The following PCDHA13 variants were observed in gnomAD, a reference collection of about 807,000 sequenced individuals.
PCDHA13 encodes the protein protocadherin alpha 13.
PCDHA13 carries 54 observed loss-of-function variants against 64.8 expected under a neutral mutation model. The ratio of observed to expected loss-of-function variants is 0.83; its 90% CI spans 0.67 to 1.04. The LOEUF (loss-of-function observed/expected upper bound fraction) is 1.04, where lower values mean the gene tolerates loss of function less well. Ranked by LOEUF, PCDHA13 falls within the 50% of genes least tolerant of loss-of-function variation. The pLI, the probability that PCDHA13 is intolerant of heterozygous loss-of-function variation, is 0.00. For missense variants in PCDHA13, 1,248 were observed against 1,254.3 expected, an observed-to-expected ratio of 0.99 and a Z score of 0.08; for synonymous variants, 587 against 564.4, an observed-to-expected ratio of 1.04 and a Z score of -0.57.
intron 1 of PCDHA13, among the ~76,000 whole-genome samples, chr5:140,903,921 G>C (rs1282440912): frequency 6.6e-6 from 1 of 152,198 alleles, no homozygotes; most frequent in African/African-American, 2.4e-5. Flanking sequence ...CTTCCTTGCT[G>C]CATTGGATAA....
chr5:140,928,785 G>A, intron 1 of PCDHA13: 1 of 1,614,144 alleles, frequency 6.2e-7, no homozygotes, highest in Middle Eastern at 1.6e-4. Context: ...ATGCAGTTAA[G>A]CAGAGGGTGG....
chr5:140,948,542 C>A (rs141026678), intron 1 of PCDHA13, among the ~76,000 whole-genome samples: 66 of 151,648 alleles, frequency 4.4e-4, no homozygotes, highest in African/African-American at 1.5e-3. Flanking sequence ...ATTTCATGCT[C>A]TGTCAATTTT....
At chr5:140,972,917 C>T (rs1279060017) in intron 1 of PCDHA13, among the ~76,000 whole-genome samples, 1 of 152,074 alleles carries the variant, frequency 6.6e-6, no homozygotes, top group Non-Finnish European at 1.5e-5. Context: ...CCGCCTTGGC[C>T]TCCCAAAGTG....
At chr5:140,966,246 G>T (rs184430396) in intron 1 of PCDHA13, 5 of 319,412 alleles carry the variant, frequency 1.6e-5, no homozygotes, top group African/African-American at 6.4e-5. Flanking sequence ...TTAAGCAGGG[G>T]AGAGACGGTG....
chr5:140,978,545 T>C (rs1478928718), intron 1 of PCDHA13, among the ~76,000 whole-genome samples: 2 of 152,258 alleles, frequency 1.3e-5, no homozygotes, highest in Non-Finnish European at 2.9e-5. Context: ...TGTGTAGCCA[T>C]GTGCCCTGTT....
At position 141,001,385 on chromosome 5, in the gene PCDHA13, T is replaced by A. The variant is rs540420313; in HGVS notation, c.2543-8242T>A. 3.9e-5 allele frequency among the ~76,000 whole-genome samples: 6 copies of A among 152,316 alleles called. No homozygotes were observed. The East Asian group carries it at 1.2e-3, about 29-fold the overall frequency. ...ACTATTCTGATTACAGAGCCTAAGA[T>A]CCTACAGAGAACAGGGAGTATATTT... On this transcript the variant is annotated intron_variant, in intron 3 of 3. Transcript: ENST00000289272.
At chr5:140,941,210 T>TCTTC (rs1480454721) in intron 1 of PCDHA13, among the ~76,000 whole-genome samples, 3 of 100,630 alleles carry the variant, frequency 3.0e-5, no homozygotes, top group Non-Finnish European at 5.7e-5. Context: ...TTCCTTTCTT[T>TCTTC]CTTCCTTTCT....
At position 140,925,553 on chromosome 5, in the gene PCDHA13, A is replaced by G. The variant is rs183194732; in HGVS notation, c.2394+40891A>G. 8.0e-3 allele frequency among the ~76,000 whole-genome samples: 1,211 copies of G among 152,074 alleles called. 7 individuals carry two copies. The highest frequency in any genetic ancestry group is 0.019 in the African/African-American group (785 of 41,482). On this transcript the variant is annotated intron_variant, in intron 1 of 3. Transcript: ENST00000289272. The stretch of plus-strand genomic sequence containing the variant: ...AGGAGAAATACCTAATGTAAATGAC[A>G]AGTTAATGGGTGCAGCACACCAACA...
intron 3 of PCDHA13, among the ~76,000 whole-genome samples, chr5:140,990,875 G>A: frequency 6.6e-6 from 1 of 152,198 alleles, no homozygotes; most frequent in East Asian, 1.9e-4. Flanking sequence ...TTAAGTGTAT[G>A]TTCCAGTGAG....
At chr5:140,946,092 G>T (rs985293430) in intron 1 of PCDHA13, among the ~76,000 whole-genome samples, 1 of 151,914 alleles carries the variant, frequency 6.6e-6, no homozygotes, top group Non-Finnish European at 1.5e-5. Context: ...CTGATAAGGA[G>T]TTAACATACC....
intron 1 of PCDHA13, among the ~76,000 whole-genome samples, chr5:140,914,169 G>A (rs997751296): frequency 1.1e-4 from 17 of 152,140 alleles, no homozygotes; most frequent in Admixed American, 6.5e-5. Context: ...GGAAAGTGGG[G>A]TGTTGAATTC....
intron 1 of PCDHA13, among the ~76,000 whole-genome samples, chr5:140,961,654 T>G (rs1554225528): frequency 6.6e-6 from 1 of 152,194 alleles, no homozygotes; most frequent in East Asian, 1.9e-4. Context: ...TGTGGTTAGT[T>G]TGAAGTTACC....
chr5:140,913,125 C>G (rs1164527264), intron 1 of PCDHA13, among the ~76,000 whole-genome samples: 1 of 152,132 alleles, frequency 6.6e-6, no homozygotes, highest in Non-Finnish European at 1.5e-5. Context: ...AAGTTAACCC[C>G]TCCTCTACTT....
rs781852534 is a variant in PCDHA13, at chr5:140,982,552, G to T, written c.2531G>T (p.Ser844Ile). 1 of 1,614,168 alleles carries T rather than the reference G, an allele frequency of 6.2e-7. No individual in the cohort carries two copies. The highest frequency in any genetic ancestry group is 2.2e-5 in the East Asian group (1 of 44,892). ...GATCAGCAGTGGCCAACAGTATCCAGTGCAACACCAGGTAAAGAGCTGGGG... is the reference window on the plus strand; with the variant it reads ...GATCAGCAGTGGCCAACAGTATCCATTGCAACACCAGGTAAAGAGCTGGGG... The part of the protein sequence containing the change: ...GPDQQWPTVS[S>I]ATPEPEAGEV... Residue 844 changes from serine (S) to isoleucine (I), a missense_variant, in exon 3 of 4, where the codon AGT (serine) becomes ATT (isoleucine). Physicochemically the swap from Ser to Ile is moderately radical, Grantham distance 142. Coordinates refer to ENST00000289272, the MANE Select transcript of PCDHA13 (RefSeq NM_018904.3).
intron 1 of PCDHA13, among the ~76,000 whole-genome samples, chr5:140,957,961 G>C (rs1188264296): frequency 6.6e-6 from 1 of 152,048 alleles, no homozygotes; most frequent in Non-Finnish European, 1.5e-5. Flanking sequence ...TATTAATTCA[G>C]AGATGCTGTA....
intron 1 of PCDHA13, among the ~76,000 whole-genome samples, chr5:140,894,231 G>A (rs1265861426): frequency 1.3e-5 from 2 of 151,980 alleles, no homozygotes; most frequent in South Asian, 2.1e-4. Flanking sequence ...GATGTTGAAT[G>A]ACAATGTAAT....
chr5:140,955,696 A>G (rs373393526), intron 1 of PCDHA13, among the ~76,000 whole-genome samples: 6 of 152,184 alleles, frequency 3.9e-5, no homozygotes, highest in East Asian at 1.9e-4. Flanking sequence ...GATGAATGTC[A>G]ATGGAAGTTT....
chr5:141,008,199 T>G (rs966441661), intron 3 of PCDHA13, among the ~76,000 whole-genome samples: 3 of 152,338 alleles, frequency 2.0e-5, no homozygotes, highest in Admixed American at 2.0e-4. Flanking sequence ...AGTAATATAA[T>G]GAACTTGACA....
chr5:140,973,923 C>T (rs1157032594), intron 1 of PCDHA13, among the ~76,000 whole-genome samples: 1 of 152,170 alleles, frequency 6.6e-6, no homozygotes, highest in African/African-American at 2.4e-5. Flanking sequence ...TCACCAAACC[C>T]AGAGGTTTAG....
Sources: gnomAD v4.1 joint callset for allele counts (sites outside exome capture counted in the v4.1 genomes callset) on GRCh38, gnomAD v4.1.1 for gene constraint, MANE v1.5 for transcripts, NCBI Gene and HGNC (gene_info 2026-07-23, HGNC 2026-07-21) for gene names.